The following TTC9 variants were observed in gnomAD, a reference collection of about 807,000 sequenced individuals.
TTC9 encodes the protein tetratricopeptide repeat protein 9A.
TTC9 carries 13 observed loss-of-function variants against 22.9 expected under a neutral mutation model. That is an observed-to-expected ratio of 0.57 (90% CI 0.37 to 0.90). The LOEUF (loss-of-function observed/expected upper bound fraction) is 0.90. Ranked by LOEUF, TTC9 falls within the 40% of genes least tolerant of loss-of-function variation. The probability of loss-of-function intolerance (pLI) is 0.01; values close to 1 mark genes in which losing one functional copy is unlikely to be tolerated. For synonymous variants in TTC9, 148 were observed against 133.2 expected, an observed-to-expected ratio of 1.11 and a Z score of -0.77; for missense variants, 280 against 291.8, an observed-to-expected ratio of 0.96 and a Z score of 0.29.
rs954070699 is a variant in TTC9, at chr14:70,671,224, C to G, written c.*69C>G. 1 of 1,365,580 alleles carries G rather than the reference C, an allele frequency of 7.3e-7. No homozygotes were observed. Among genetic ancestry groups the G allele is most frequent in the East Asian group, 2.3e-5 (1 of 42,636 alleles). 84.6% of individuals were successfully genotyped at this position (1,365,580 alleles called of 1,614,324 possible). ...TTCCAGGCATCCCCTGGCAGAGAGC[C>G]CCGTCCTGGATTCTGTCCCTTTCTC... On this transcript the variant is annotated 3_prime_UTR_variant, in exon 3 of 3. Coordinates refer to ENST00000256367, the MANE Select transcript of TTC9 (RefSeq NM_015351.2).
intron 1 of TTC9, among the ~76,000 whole-genome samples, chr14:70,654,730 G>A (rs1053482811): frequency 1.3e-5 from 2 of 151,744 alleles, no homozygotes; most frequent in Non-Finnish European, 2.9e-5. Context: ...AGAATGACTC[G>A]TGAATCGGGC....
chr14:70,656,246 C>CACAT (rs373121504), intron 1 of TTC9, among the ~76,000 whole-genome samples: 92 of 140,166 alleles, frequency 6.6e-4, no homozygotes, highest in African/African-American at 2.3e-3. Flanking sequence ...CACACACACA[C>CACAT]ATTTATTTTT....
chr14:70,642,662 G>A (rs1885840987), intron 1 of TTC9, 127 bp downstream of exon 1: 2 of 888,430 alleles, frequency 2.3e-6, no homozygotes, highest in East Asian at 6.0e-5. Context: ...GAGAACCCGG[G>A]AGGGAGGCGC....
Position 70,671,223 on chromosome 14 carries a change from C to A in TTC9, c.*68C>A. The A allele has an allele frequency of 1.5e-6, 2 of 1,371,080 alleles. No individual in the cohort carries two copies. The highest frequency in any genetic ancestry group is 2.1e-6 in the Non-Finnish European group (2 of 971,134). 84.9% of individuals were successfully genotyped at this position (1,371,080 alleles called of 1,614,324 possible). A position where few individuals can be genotyped will look rare whatever the true frequency, so the allele number is the denominator to read the frequency against. ...CTTCCAGGCATCCCCTGGCAGAGAG[C>A]CCCGTCCTGGATTCTGTCCCTTTCT... On this transcript the variant is annotated 3_prime_UTR_variant, in exon 3 of 3. Transcript: ENST00000256367.
intron 2 of TTC9, among the ~76,000 whole-genome samples, chr14:70,670,516 G>T (rs1212239534): frequency 6.6e-6 from 1 of 152,102 alleles, no homozygotes; most frequent in African/African-American, 2.4e-5. Flanking sequence ...GAATTAGCTG[G>T]GCGCAGTGGG....
At chr14:70,658,856 A>G (rs1192688888) in intron 1 of TTC9, among the ~76,000 whole-genome samples, 1 of 152,190 alleles carries the variant, frequency 6.6e-6, no homozygotes, top group Non-Finnish European at 1.5e-5. Context: ...CATCCATACC[A>G]TGCAATACTA....
chr14:70,642,300 G>T lies in TTC9; in HGVS notation c.171G>T (p.Ala57=), dbSNP rs779685717. 9 of 1,548,210 alleles carry T rather than the reference G, an allele frequency of 5.8e-6. No homozygotes were observed. In the Admixed American group the frequency reaches 1.7e-4, roughly 30 times the overall value. The stretch of plus-strand genomic sequence containing the variant: ...AGCCGGCCGAGCTCATCCGACGAGC[G>T]CACGAGTTCAAAAGCCAAGGGGCGC... ...AAEPAELIRR[A]HEFKSQGAQC... is the part of the protein sequence containing the mutation. The change falls in exon 1 of 3, where the codon GCG becomes GCT. Residue 57 remains alanine (A), a synonymous_variant. Coordinates refer to ENST00000256367, the MANE Select transcript of TTC9 (RefSeq NM_015351.2).
In TTC9 at chr14:70,658,057, T is replaced by G. The variant is rs116293070; in HGVS notation, c.407-9507T>G. Among the ~76,000 whole-genome samples, 603 of 152,288 alleles carry G rather than the reference T, an allele frequency of 4.0e-3. 4 individuals carry two copies. The highest frequency in any genetic ancestry group is 0.014 in the African/African-American group (581 of 41,552). ...TCAGTCCTCAGACTTGATAAAGACC[T>G]TCAGAGATCAGCCAGTCCGGGTTTC... is the stretch of plus-strand genomic sequence containing the variant. On this transcript the variant is annotated intron_variant, in intron 1 of 2. Transcript: ENST00000256367.
chr14:70,659,122 A>ACACACG (rs1555362241), intron 1 of TTC9, among the ~76,000 whole-genome samples: 6 of 43,058 alleles, frequency 1.4e-4, no homozygotes, highest in African/African-American at 4.4e-4. Flanking sequence ...ATAACTAAAC[A>ACACACG]CACACACACG....
rs1378234318 is a variant in TTC9, at chr14:70,669,962, A to C, written c.590-1114A>C. On this transcript the variant is annotated intron_variant, in intron 2 of 2. Transcript: ENST00000256367. ...CCATGCCATCCTCACTAATAACAGGAACTGGGAAGAAATGCCCCAGTTTTG... is the reference window on the plus strand; with the variant it reads ...CCATGCCATCCTCACTAATAACAGGCACTGGGAAGAAATGCCCCAGTTTTG... Among the ~76,000 whole-genome samples the C allele has an allele frequency of 5.3e-5, 8 of 152,196 alleles. No individual in the cohort carries two copies. In the East Asian group the frequency reaches 1.5e-3, roughly 29 times the overall value.
At chr14:70,651,038 T>C (rs1187317696) in intron 1 of TTC9, among the ~76,000 whole-genome samples, 1 of 152,108 alleles carries the variant, frequency 6.6e-6, no homozygotes, top group Non-Finnish European at 1.5e-5. Context: ...GGAGTGTAAG[T>C]AGCACGTTAT....
Position 70,642,154 on chromosome 14 carries a change from G to C in TTC9, c.25G>C (p.Gly9Arg), listed in dbSNP as rs1180589674. ...AATGGAGAGAAAGGGCTCGGCGGCCGGGGCCAAGGGGAACCCGAGCCCGCC... is the reference window on the plus strand; with the variant it reads ...AATGGAGAGAAAGGGCTCGGCGGCCCGGGCCAAGGGGAACCCGAGCCCGCC... MERKGSAA[G>R]AKGNPSPPAA... Residue 9 changes from glycine (G) to arginine (R), a missense_variant, in exon 1 of 3, where the codon GGG (glycine) becomes CGG (arginine). Around this residue, in one of 5 missense-constraint regions of TTC9, gnomAD observed 49 missense variants for 39.8 expected, o/e 1.23. Coordinates refer to ENST00000256367, the MANE Select transcript of TTC9 (RefSeq NM_015351.2). 1.7e-6 allele frequency: 2 copies of C among 1,174,558 alleles called. No homozygotes were observed. The highest frequency in any genetic ancestry group is 2.1e-6 in the Non-Finnish European group (2 of 944,908). The allele number at this position is 1,174,558 out of a possible 1,614,324, so 72.8% of individuals were successfully genotyped here.
rs147616148 is a variant in TTC9 at position 70,674,574 on chromosome 14, T to C, written c.*3419T>C. On this transcript the variant is annotated 3_prime_UTR_variant, in exon 3 of 3. Coordinates refer to ENST00000256367, the MANE Select transcript of TTC9 (RefSeq NM_015351.2). ...ACTGCTCTGTAGTCAGAAGTAAATC[T>C]TCTCCCTACCCCGTCTGCCAGCATC... The C allele has an allele frequency of 7.2e-5, 11 of 152,336 alleles. No individual in the cohort carries two copies. The highest frequency in any genetic ancestry group is 2.6e-4 in the African/African-American group (11 of 41,560). 9.4% of individuals were successfully genotyped at this position (152,336 alleles called of 1,614,324 possible). A position where few individuals can be genotyped will look rare whatever the true frequency, so the allele number is the denominator to read the frequency against.
chr14:70,652,333 G>A (rs1213030929), intron 1 of TTC9, among the ~76,000 whole-genome samples: 1 of 152,164 alleles, frequency 6.6e-6, no homozygotes, highest in Non-Finnish European at 1.5e-5. Context: ...AAACCAAATG[G>A]ACGTCAAAGC....
At chr14:70,658,492 T>A (rs1886097230) in intron 1 of TTC9, among the ~76,000 whole-genome samples, 1 of 152,242 alleles carries the variant, frequency 6.6e-6, no homozygotes, top group Non-Finnish European at 1.5e-5. Flanking sequence ...CCTGTAGATC[T>A]GACTCATTAG....
intron 1 of TTC9, among the ~76,000 whole-genome samples, chr14:70,646,518 A>G (rs1885903922): frequency 6.6e-6 from 1 of 152,226 alleles, no homozygotes; most frequent in East Asian, 1.9e-4. Flanking sequence ...GATACAACAC[A>G]CAATAACTTT....
chr14:70,659,299 G>C (rs1184033328), intron 1 of TTC9, among the ~76,000 whole-genome samples: 1 of 152,078 alleles, frequency 6.6e-6, no homozygotes, highest in African/African-American at 2.4e-5. Context: ...GGTATGGGAG[G>C]TCTCTTTGTA....
chr14:70,671,697 G>A lies in TTC9; in HGVS notation c.*542G>A, dbSNP rs78487640. 1,538 of 64,816 alleles carry A rather than the reference G, an allele frequency of 0.024. 59 individuals are homozygous for A. The highest frequency in any genetic ancestry group is 0.23 in the East Asian group (724 of 3,162). The allele number at this position is 64,816 out of a possible 1,614,324, so 4.0% of individuals were successfully genotyped here. On this transcript the variant is annotated 3_prime_UTR_variant, in exon 3 of 3. Coordinates refer to ENST00000256367, the MANE Select transcript of TTC9 (RefSeq NM_015351.2). ...GAGTTCCCACCCCCACCCCCCACCC[G>A]TCACTTAGCCCCTGCCTCCTTCCCC...
chr14:70,641,921 A>G lies in TTC9; in HGVS notation c.-209A>G. The G allele has an allele frequency of 5.5e-6, 1 of 181,984 alleles. No individual in the cohort carries two copies. Among genetic ancestry groups the G allele is most frequent in the Non-Finnish European group, 1.1e-5 (1 of 94,266 alleles). The allele number at this position is 181,984 out of a possible 1,614,324, so 11.3% of individuals were successfully genotyped here. On this transcript the variant is annotated 5_prime_UTR_variant, in exon 1 of 3. Transcript: ENST00000256367. ...GAGGCGGGGGAGGGGCCGGCGTCCG[A>G]GGCGGCGGCGGCGGCGGCTGGAGCA...
Sources: allele counts gnomAD v4.1 joint callset (sites outside exome capture counted in the v4.1 genomes callset), GRCh38; gene constraint gnomAD v4.1.1; regional missense constraint gnomAD v4.1.1; transcripts MANE v1.5; gene names NCBI Gene and HGNC (gene_info 2026-07-23, HGNC 2026-07-21).